Variants in TNS2 observed in about 807,000 individuals in gnomAD.
The protein encoded by TNS2 is tensin 2.
A neutral mutation model predicts 155.7 loss-of-function variants in TNS2; 77 were observed. The observed-to-expected ratio is 0.49, with a 90% CI of 0.41 to 0.60. The LOEUF is 0.60. TNS2 is among the 20% of genes least tolerant of loss of function. TNS2 has a pLI of 0.00. For synonymous variants in TNS2, 726 were observed against 763.9 expected, an observed-to-expected ratio of 0.95 and a Z score of 0.82; for missense variants, 1,703 against 1,868.8, an observed-to-expected ratio of 0.91 and a Z score of 1.64.
intron 22 of TNS2, 40 bp downstream of exon 22, chr12:53,061,980 TG>T (rs1278919289): frequency 2.5e-6 from 4 of 1,608,744 alleles, no homozygotes; most frequent in Non-Finnish European, 3.4e-6. Flanking sequence ...GGGATGAAGT[TG>T]GGGGTGGTGC....
At chr12:53,055,880 A>T in intron 10 of TNS2, 35 bp downstream of exon 10, 1 of 1,587,886 alleles carries the variant, frequency 6.3e-7, no homozygotes, top group South Asian at 1.1e-5. Context: ...CTGCTTCCCC[A>T]GTGGCCCTTT....
rs574399731 is a variant in TNS2, at chr12:53,054,566, G to A, written c.522+125G>A. 2.4e-5 allele frequency: 29 copies of A among 1,206,360 alleles called. 1 individual carries two copies. In the East Asian group the frequency reaches 7.6e-4, roughly 32 times the overall value. 74.7% of individuals were successfully genotyped at this position (1,206,360 alleles called of 1,614,324 possible). On this transcript the variant is annotated intron_variant, in intron 7 of 28. Coordinates refer to ENST00000314250, the MANE Select transcript of TNS2 (RefSeq NM_170754.4). Reference sequence around the variant, plus strand: ...GGGGGCGGGACCAGAGTGGTGGGGTGGGGGCGGGGCCCGGAGCGCGGCCTG... The same window carrying A: ...GGGGGCGGGACCAGAGTGGTGGGGTAGGGGCGGGGCCCGGAGCGCGGCCTG...
chr12:53,052,253 C>T (rs1943962507), intron 2 of TNS2: 2 of 681,582 alleles, frequency 2.9e-6, no homozygotes, highest in Admixed American at 5.1e-5. Context: ...TGGAACGTTA[C>T]CCCTGGCCTG....
chr12:53,050,246 C>A lies in TNS2; in HGVS notation c.61C>A (p.Arg21=), dbSNP rs146806526. Residue 21 remains arginine (R), a synonymous_variant, in exon 1 of 29, where the codon CGG becomes AGG. Coordinates refer to ENST00000314250, the MANE Select transcript of TNS2 (RefSeq NM_170754.4). The surrounding 1 kb of genome is among the most constrained non-coding windows in gnomAD (Gnocchi z 4.7). ...LRALGRRDSS[R]AASRPRKAEP... ...AGCCCTGGGGAGGAGGGACAGCAGC[C>A]GGGCCGCAAGCAGGGTAGGAGTGCC... 1.9e-6 allele frequency: 3 copies of A among 1,608,198 alleles called. No individual in the cohort carries two copies. The highest frequency in any genetic ancestry group is 1.7e-6 in the Non-Finnish European group (2 of 1,178,274).
chr12:53,058,251 T>TC, intron 14 of TNS2, 65 bp from the exon 15 acceptor site: 1 of 1,603,742 alleles, frequency 6.2e-7, no homozygotes. Context: ...GACCAGGCAG[T>TC]CCCCAGGGTG....
At position 53,053,497 on chromosome 12, in the gene TNS2, G is replaced by A. The variant is rs999516994; in HGVS notation, c.261+48G>A. 6.2e-6 allele frequency: 10 copies of A among 1,610,190 alleles called. No individual in the cohort carries two copies. The Admixed American group carries it at 1.7e-4, about 27-fold the overall frequency. Reference sequence around the variant, plus strand: ...TGGGGAGGGCAAGGAACCTGGCCATGGTGTCCAGAGGTCTGGTGGCTCCAG... The same window carrying A: ...TGGGGAGGGCAAGGAACCTGGCCATAGTGTCCAGAGGTCTGGTGGCTCCAG... On this transcript the variant is annotated intron_variant, in intron 4 of 28. Coordinates refer to ENST00000314250, the MANE Select transcript of TNS2 (RefSeq NM_170754.4).
rs1310335700 is a variant in TNS2 at position 53,052,492 on chromosome 12, G to A, written c.222G>A (p.Lys74=). 6.2e-7 allele frequency: 1 copy of A among 1,613,986 alleles called. No individual in the cohort carries two copies. The highest frequency in any genetic ancestry group is 1.1e-5 in the South Asian group (1 of 91,080). The change falls in exon 3 of 29, where the codon AAG becomes AAA. Residue 74 remains lysine (K), a splice_region_variant and synonymous_variant. Coordinates refer to ENST00000314250, the MANE Select transcript of TNS2 (RefSeq NM_170754.4). ...CGACGCACAGAAAATGTGAAGCAAA[G>A]GTGGGTATCTGATTCTACCTGATAG... The part of the protein sequence containing the change: ...KVATHRKCEA[K]VTSACQALPP...
upstream of TNS2, among the ~76,000 whole-genome samples, chr12:53,047,478 AGGGCGCG>A (rs540859660): frequency 1.7e-3 from 251 of 144,508 alleles, 1 homozygote; most frequent in Non-Finnish European, 2.7e-3. Flanking sequence ...GGAGGTCGAG[AGGGCGCG>A]GGGCGCGGGG....
In TNS2 at chr12:53,060,760, G is replaced by A. The variant is rs1565611510; in HGVS notation, c.2854G>A (p.Ala952Thr). The change falls in exon 20 of 29, where the codon GCA (alanine) becomes ACA (threonine). Residue 952 changes from alanine to threonine, a missense_variant. Coordinates refer to ENST00000314250, the MANE Select transcript of TNS2 (RefSeq NM_170754.4). This position sits in a 1 kb window ranked among gnomAD's most constrained non-coding sequence, Gnocchi z 6.1. Reference sequence around the variant, plus strand: ...CGAGGCCTTGCCCCCTGTTTCCCAGGCAGGCACCGGAAAGGCCCCTGAGCT... The same window carrying A: ...CGAGGCCTTGCCCCCTGTTTCCCAGACAGGCACCGGAAAGGCCCCTGAGCT... Reference protein sequence around the residue: ...PGEALPPVSQAGTGKAPELPS... With the variant: ...PGEALPPVSQTGTGKAPELPS... 1 of 1,611,918 alleles carries A rather than the reference G, an allele frequency of 6.2e-7. No homozygotes were observed. The highest frequency in any genetic ancestry group is 1.1e-5 in the South Asian group (1 of 90,946).
chr12:53,063,932 AC>A lies in TNS2; in HGVS notation c.*54del, dbSNP rs766831587. ...ACATCAACACTGCCCCCCTCCCAGCACCCCACAGCCCTCACATCCCCTGGCC... is the reference window on the plus strand; with the variant it reads ...ACATCAACACTGCCCCCCTCCCAGCACCCACAGCCCTCACATCCCCTGGCC... On this transcript the variant is annotated 3_prime_UTR_variant, in exon 29 of 29. Transcript: ENST00000314250. The surrounding 1 kb of genome is among the most constrained non-coding windows in gnomAD (Gnocchi z 5.6). The A allele has an allele frequency of 6.3e-7, 1 of 1,596,510 alleles. No individual in the cohort carries two copies. The highest frequency in any genetic ancestry group is 1.7e-5 in the Admixed American group (1 of 59,258).
rs1352838270 is a variant in TNS2 at position 53,060,212 on chromosome 12, C to T, written c.2571C>T (p.Tyr857=). Residue 857 remains tyrosine, a synonymous_variant, in exon 18 of 29, where the codon TAC becomes TAT. Transcript: ENST00000314250. This position sits in a 1 kb window ranked among gnomAD's most constrained non-coding sequence, Gnocchi z 6.1. ...EIPTEEGGDR[Y]PLPGHLASAG... ...CTACGGAGGAGGGAGGGGACAGGTA[C>T]CCATTGCCTGGGCACCTGGCCTCAG... 6.4e-7 allele frequency: 1 copy of T among 1,564,130 alleles called. No homozygotes were observed. The highest frequency in any genetic ancestry group is 8.7e-7 in the Non-Finnish European group (1 of 1,153,964).
chr12:53,063,258 G>A lies in TNS2; in HGVS notation c.3992+1G>A, dbSNP rs770163192. ...TTACACTGACGGACAACCAAAGGAA[G>A]TATGTATACTCAGCCCTGTAGAACC... is the stretch of plus-strand genomic sequence containing the variant. On this transcript the variant is annotated splice_donor_variant, in intron 26 of 28. Coordinates refer to ENST00000314250, the MANE Select transcript of TNS2 (RefSeq NM_170754.4). LOFTEE classifies it high-confidence loss of function. The surrounding 1 kb of genome is among the most constrained non-coding windows in gnomAD (Gnocchi z 5.6). The A allele has an allele frequency of 1.2e-6, 2 of 1,613,528 alleles. No individual in the cohort carries two copies. Among genetic ancestry groups the A allele is most frequent in the South Asian group, 2.2e-5 (2 of 91,054 alleles).
Position 53,062,466 on chromosome 12 carries a change from T to G in TNS2, c.3745+13T>G. 1.9e-6 allele frequency: 3 copies of G among 1,613,254 alleles called. No homozygotes were observed. The highest frequency in any genetic ancestry group is 2.5e-6 in the Non-Finnish European group (3 of 1,179,824). ...ATTCCCAGCAAAGGTGAGTGTCTGG[T>G]CATCTGTCCTCCCCACCTCTCCCTA... On this transcript the variant is annotated intron_variant, in intron 24 of 28. Transcript: ENST00000314250.
At position 53,056,872 on chromosome 12, in the gene TNS2, C is replaced by CTTCTCA. The variant is rs1944178060; in HGVS notation, c.762-132_762-127dup. On this transcript the variant is annotated intron_variant, in intron 10 of 28. Transcript: ENST00000314250. The stretch of plus-strand genomic sequence containing the variant: ...ACTAGTAAAGTGACTGTACATGGTG[C>CTTCTCA]TTCTCATTCTCATTACCACTACTCT... The CTTCTCA allele has an allele frequency of 6.8e-6, 5 of 734,760 alleles. No individual in the cohort carries two copies. The Admixed American group carries it at 1.1e-4, about 16-fold the overall frequency. The allele number at this position is 734,760 out of a possible 1,614,324, so 45.5% of individuals were successfully genotyped here.
Position 53,054,429 on chromosome 12 carries a change from G to C in TNS2, c.510G>C (p.Arg170=). 6.2e-7 allele frequency: 1 copy of C among 1,603,174 alleles called. No homozygotes were observed. Among genetic ancestry groups the C allele is most frequent in the Non-Finnish European group, 8.5e-7 (1 of 1,176,784 alleles). The change falls in exon 7 of 29, where the codon CGG becomes CGC. Residue 170 remains arginine (R), a synonymous_variant. Coordinates refer to ENST00000314250, the MANE Select transcript of TNS2 (RefSeq NM_170754.4). ...ELAHVLQSKH[R]DKYLLFNLSE... is the part of the protein sequence containing the mutation. ...CCCATGTGCTGCAATCCAAGCACCGGGACAAGTACCTGGTGAGGGGCGGGG... is the reference window on the plus strand; with the variant it reads ...CCCATGTGCTGCAATCCAAGCACCGCGACAAGTACCTGGTGAGGGGCGGGG...
In TNS2 at chr12:53,058,803, C is replaced by T. The variant is rs748886591; in HGVS notation, c.1381C>T (p.Gln461Ter). 2 of 1,613,836 alleles carry T rather than the reference C, an allele frequency of 1.2e-6. No homozygotes were observed. Among genetic ancestry groups the T allele is most frequent in the African/African-American group, 2.7e-5 (2 of 75,014 alleles). Residue 461 changes from glutamine (Q) to a stop codon, truncating the protein, a stop_gained, in exon 17 of 29, where the codon CAG becomes TAG. Transcript: ENST00000314250. LOFTEE classifies it high-confidence loss of function. ...CTGGGACTCCTATGAGAACTTCAAC[C>T]AGCACCACGAGGACAGTGTGGATGG... ...VRWDSYENFN[Q>*]HHEDSVDGSL...
chr12:53,054,192 A>C, intron 6 of TNS2, 78 bp from the exon 7 acceptor site: 1 of 1,599,262 alleles, frequency 6.3e-7, no homozygotes, highest in Non-Finnish European at 8.5e-7. Context: ...CCTGCTGCCC[A>C]ACAGACAGCC....
rs1259186467 is a variant in TNS2, at chr12:53,061,785, C to T, written c.3449-30C>T. On this transcript the variant is annotated intron_variant, in intron 21 of 28. Transcript: ENST00000314250. ...TCAGTCCACCCCTGTGAAAACTCCT[C>T]CCCACTGCCCGCTACCCCTCACCCT... The T allele has an allele frequency of 1.9e-6, 3 of 1,596,560 alleles. No homozygotes were observed. In the Admixed American group the frequency reaches 5.1e-5, roughly 27 times the overall value.
rs1177430519 is a variant in TNS2, at chr12:53,059,925, G to A, written c.2284G>A (p.Glu762Lys). 1.3e-5 allele frequency: 21 copies of A among 1,611,078 alleles called. No homozygotes were observed. The highest frequency in any genetic ancestry group is 1.5e-5 in the Non-Finnish European group (18 of 1,178,560). ...YSCLKPPKAG[E>K]EGHEGCSYTM... ...CTGCCTGAAGCCACCCAAGGCAGGC[G>A]AGGAAGGGCACGAGGGCTGCTCCTA... is the stretch of plus-strand genomic sequence containing the variant. The change falls in exon 18 of 29, where the codon GAG becomes AAG. Residue 762 changes from glutamate to lysine, a missense_variant. Transcript: ENST00000314250. The surrounding 1 kb of genome is among the most constrained non-coding windows in gnomAD (Gnocchi z 4.7).
Sources: gnomAD v4.1 joint callset for allele counts (sites outside exome capture counted in the v4.1 genomes callset) on GRCh38, gnomAD v4.1.1 for gene constraint, Gnocchi (gnomAD v3.1) non-coding constraint, MANE v1.5 for transcripts, NCBI Gene and HGNC (gene_info 2026-07-23, HGNC 2026-07-21) for gene names.